The following ADAMTSL1 variants were observed in gnomAD, a reference collection of about 807,000 sequenced individuals.
ADAMTSL1 encodes ADAMTS like 1.
In ADAMTSL1, 126 loss-of-function variants were observed where a neutral mutation model predicts 201.8. The ratio of observed to expected loss-of-function variants is 0.62; its 90% CI spans 0.54 to 0.72. The LOEUF (loss-of-function observed/expected upper bound fraction) is 0.72. Among genes scored for constraint, ADAMTSL1 ranks in the 30% least tolerant of loss-of-function variants. The pLI, the probability that ADAMTSL1 is intolerant of heterozygous loss-of-function variation, is 0.00. For synonymous variants in ADAMTSL1, 1,121 were observed against 903.4 expected, an observed-to-expected ratio of 1.24 and a Z score of -4.32; for missense variants, 2,679 against 2,277.8, an observed-to-expected ratio of 1.18 and a Z score of -3.59.
Position 18,910,123 on chromosome 9 carries a change from C to T in ADAMTSL1, c.*1575C>T, listed in dbSNP as rs1417053484. The stretch of plus-strand genomic sequence containing the variant: ...ACATCAGGGCTGCATTTCCAGCCAG[C>T]CTGGAAGTAAAATTTGAGAGGAAGA... On this transcript the variant is annotated 3_prime_UTR_variant, in exon 29 of 29. Coordinates refer to ENST00000380548, the MANE Select transcript of ADAMTSL1 (RefSeq NM_001040272.6). 6.6e-6 allele frequency: 1 copy of T among 152,128 alleles called. No individual in the cohort carries two copies. Among genetic ancestry groups the T allele is most frequent in the Non-Finnish European group, 1.5e-5 (1 of 68,036 alleles). The allele number at this position is 152,128 out of a possible 1,614,324, so 9.4% of individuals were successfully genotyped here.
intron 3 of ADAMTSL1, among the ~76,000 whole-genome samples, chr9:18,551,692 C>T (rs773970075): frequency 6.6e-6 from 1 of 151,720 alleles, no homozygotes; most frequent in Non-Finnish European, 1.5e-5. Flanking sequence ...TCAGTCTCCT[C>T]ATTTGCAAAA....
At chr9:18,265,907 C>G (rs184255863) in intron 2 of ADAMTSL1, among the ~76,000 whole-genome samples, 122 of 152,028 alleles carry the variant, frequency 8.0e-4, no homozygotes, top group Non-Finnish European at 8.4e-4. Flanking sequence ...GAATGAAAAC[C>G]AATATTGTGA....
intron 2 of ADAMTSL1, among the ~76,000 whole-genome samples, chr9:18,261,865 G>T (rs1287601456): frequency 1.3e-5 from 2 of 152,144 alleles, no homozygotes; most frequent in Non-Finnish European, 2.9e-5. Flanking sequence ...AATATTCTTT[G>T]TGGGGTGACA....
At chr9:18,689,180 A>C (rs777969268) in intron 13 of ADAMTSL1, among the ~76,000 whole-genome samples, 1 of 152,180 alleles carries the variant, frequency 6.6e-6, no homozygotes, top group Non-Finnish European at 1.5e-5. Context: ...TGGAAGCTAA[A>C]AAAATTACTG....
rs1300403086 is a variant in ADAMTSL1, at chr9:18,909,092, T to C, written c.*544T>C. Reference sequence around the variant, plus strand: ...AGAAACTAGCCCAGAACTCACTCAGTTCTTCTAGTGGGTGAGTGCAGAGAG... The same window carrying C: ...AGAAACTAGCCCAGAACTCACTCAGCTCTTCTAGTGGGTGAGTGCAGAGAG... On this transcript the variant is annotated 3_prime_UTR_variant, in exon 29 of 29. Transcript: ENST00000380548. The C allele has an allele frequency of 6.5e-6, 1 of 154,584 alleles. No individual in the cohort carries two copies. Among genetic ancestry groups the C allele is most frequent in the Non-Finnish European group, 1.4e-5 (1 of 69,616 alleles). The allele number at this position is 154,584 out of a possible 1,614,324, so 9.6% of individuals were successfully genotyped here. A position where few individuals can be genotyped will look rare whatever the true frequency, so the allele number is the denominator to read the frequency against.
intron 2 of ADAMTSL1, among the ~76,000 whole-genome samples, chr9:18,391,642 A>G (rs529188664): frequency 2.6e-5 from 4 of 152,174 alleles, no homozygotes; most frequent in Non-Finnish European, 5.9e-5. Context: ...TGAATATTTC[A>G]TGCTTCTTCC....
intron 6 of ADAMTSL1, among the ~76,000 whole-genome samples, chr9:18,636,946 G>T (rs1293466541): frequency 6.6e-6 from 1 of 152,070 alleles, no homozygotes; most frequent in African/African-American, 2.4e-5. Context: ...AATTTAGATA[G>T]CAAGTAGTAT....
At chr9:17,929,680 C>T (rs1826700687) in intron 1 of ADAMTSL1, among the ~76,000 whole-genome samples, 1 of 152,120 alleles carries the variant, frequency 6.6e-6, no homozygotes. Flanking sequence ...GGTCTCTTTC[C>T]TTTATTTTGA....
At chr9:17,957,980 C>G (rs80053393) in intron 1 of ADAMTSL1, among the ~76,000 whole-genome samples, 2 of 152,140 alleles carry the variant, frequency 1.3e-5, no homozygotes, top group African/African-American at 4.8e-5. Flanking sequence ...TTGTTTGAAG[C>G]CTCCCAGTTT....
chr9:17,907,336 C>T (rs910654521), intron 1 of ADAMTSL1, among the ~76,000 whole-genome samples: 46 of 152,280 alleles, frequency 3.0e-4, no homozygotes, highest in African/African-American at 8.2e-4. Context: ...CGGGGACACT[C>T]GGGTGCTGGG....
chr9:18,604,983 C>T (rs1464018575), intron 4 of ADAMTSL1, among the ~76,000 whole-genome samples: 1 of 152,122 alleles, frequency 6.6e-6, no homozygotes, highest in Non-Finnish European at 1.5e-5. Flanking sequence ...ATACCATTCC[C>T]ATAAAGAGTG....
At chr9:18,177,435 G>A (rs773870677) in intron 2 of ADAMTSL1, among the ~76,000 whole-genome samples, 44 of 152,286 alleles carry the variant, frequency 2.9e-4, no homozygotes, top group East Asian at 5.8e-4. Context: ...TAAGTCCACC[G>A]TATGTGCCTG....
chr9:18,095,416 C>CTTTTTTTTTTTT lies in ADAMTSL1; in HGVS notation c.88-68433_88-68422dup, dbSNP rs35164794. Among the ~76,000 whole-genome samples the CTTTTTTTTTTTT allele has an allele frequency of 7.7e-4, 77 of 100,108 alleles. 3 individuals carry two copies. Among genetic ancestry groups the CTTTTTTTTTTTT allele is most frequent in the South Asian group, 1.7e-3 (4 of 2,412 alleles). The allele number at this position is 100,108 out of a possible 152,430, so 65.7% of individuals were successfully genotyped here. On this transcript the variant is annotated intron_variant, in intron 1 of 29. Transcript: ENST00000680146. The stretch of plus-strand genomic sequence containing the variant: ...TCCCTGATAAGTTTCTTCTTTCTTT[C>CTTTTTTTTTTTT]TTTTTTTTTTTTTTTTTTTTTTTTG...
In ADAMTSL1 at chr9:18,662,107, C is replaced by G. The variant is rs764147499; in HGVS notation, c.1085+34C>G. The G allele has an allele frequency of 8.1e-6, 13 of 1,595,888 alleles. 1 individual carries two copies. The highest frequency in any genetic ancestry group is 1.8e-5 in the Admixed American group (1 of 54,670). ...AATTTGCTAGTTCATTTGTCATAAA[C>G]ATAACTCAAGTTCCAAATAGGTTAT... On this transcript the variant is annotated intron_variant, in intron 9 of 28. Transcript: ENST00000380548.
intron 1 of ADAMTSL1, among the ~76,000 whole-genome samples, chr9:17,977,290 C>T (rs1818493498): frequency 6.6e-6 from 1 of 151,972 alleles, no homozygotes; most frequent in South Asian, 2.1e-4. Context: ...ATTTTCTTTT[C>T]TTGTAATGTC....
intron 8 of ADAMTSL1, among the ~76,000 whole-genome samples, chr9:18,658,148 G>C (rs148680681): frequency 0.086 from 13,089 of 152,138 alleles, 718 homozygotes; most frequent in Admixed American, 0.13. Flanking sequence ...CTAATTTTTT[G>C]TATTTTTAGT....
At chr9:18,174,149 G>C (rs918596387) in intron 2 of ADAMTSL1, among the ~76,000 whole-genome samples, 1 of 152,088 alleles carries the variant, frequency 6.6e-6, no homozygotes, top group South Asian at 2.1e-4. Flanking sequence ...ATAGTTTATT[G>C]CTTCCCTGTA....
At chr9:18,815,389 AAG>A (rs1231798173) in intron 20 of ADAMTSL1, among the ~76,000 whole-genome samples, 2 of 151,848 alleles carry the variant, frequency 1.3e-5, no homozygotes, top group African/African-American at 2.4e-5. Context: ...AAAAAAAAAA[AAG>A]AAAAAGAATG....
At chr9:18,082,115 A>T (rs1823523483) in intron 1 of ADAMTSL1, among the ~76,000 whole-genome samples, 1 of 152,218 alleles carries the variant, frequency 6.6e-6, no homozygotes. Flanking sequence ...TTTCAACTGT[A>T]GTTATCTTTA....
Sources: gnomAD v4.1 joint callset for allele counts (sites outside exome capture counted in the v4.1 genomes callset) on GRCh38, gnomAD v4.1.1 for gene constraint, MANE v1.5 for transcripts, NCBI Gene and HGNC (gene_info 2026-07-23, HGNC 2026-07-21) for gene names.